Variants in RBMS2 observed in about 807,000 individuals in gnomAD.
RBMS2 encodes the protein RNA-binding motif, single-stranded-interacting protein 2.
A neutral mutation model predicts 58.4 loss-of-function variants in RBMS2; 38 were observed. The observed-to-expected ratio is 0.65, with a 90% confidence interval of 0.50 to 0.85. The LOEUF (loss-of-function observed/expected upper bound fraction) is 0.85, where lower values mean the gene tolerates loss of function less well. Ranked by LOEUF, RBMS2 falls within the 40% of genes least tolerant of loss-of-function variation. The pLI is 0.00. For synonymous variants in RBMS2, 151 were observed against 180.7 expected, an observed-to-expected ratio of 0.84 and a Z score of 1.32; for missense variants, 367 against 503.7, an observed-to-expected ratio of 0.73 and a Z score of 2.60.
At chr12:56,586,200 C>T (rs777064534) in intron 9 of RBMS2, among the ~76,000 whole-genome samples, 2 of 152,172 alleles carry the variant, frequency 1.3e-5, no homozygotes, top group East Asian at 1.9e-4. Flanking sequence ...GGCATGGTGG[C>T]GGGCACCTGT....
chr12:56,563,067 G>C (rs560224178), intron 2 of RBMS2, among the ~76,000 whole-genome samples: 4 of 152,236 alleles, frequency 2.6e-5, no homozygotes, highest in South Asian at 2.1e-4. Context: ...AGCTTGCAGT[G>C]AGCCGAGATC....
chr12:56,588,365 T>C lies in RBMS2; in HGVS notation c.1134T>C (p.Val378=). The change falls in exon 12 of 14, where the codon GTT becomes GTC. Residue 378 remains valine, a synonymous_variant. Transcript: ENST00000262031. ...SQYTPVPSSS[V]SVEESSGQQN... ...ACACCCCTGTGCCTTCTTCCAGTGT[T>C]TCAGTCGAGGTAAGGGTGTTATCAT... 6.2e-7 allele frequency: 1 copy of C among 1,612,256 alleles called. No homozygotes were observed.
At chr12:56,577,155 G>A (rs137928860) in intron 5 of RBMS2, among the ~76,000 whole-genome samples, 3,081 of 151,840 alleles carry the variant, frequency 0.02, 53 homozygotes, top group Middle Eastern at 0.054. Context: ...CGTAAGCCCA[G>A]CACTTTGGGA....
In RBMS2 at chr12:56,581,379, T is replaced by A; in HGVS notation, c.623-20T>A. The A allele has an allele frequency of 6.2e-7, 1 of 1,613,062 alleles. No individual in the cohort carries two copies. Among genetic ancestry groups the A allele is most frequent in the Non-Finnish European group, 8.5e-7 (1 of 1,178,994 alleles). On this transcript the variant is annotated intron_variant, in intron 6 of 13. Coordinates refer to ENST00000262031, the MANE Select transcript of RBMS2 (RefSeq NM_002898.4). ...ACATGAGGTGGGACTCAGCTGCCCA[T>A]CTGCCTTCTCTCTCGGCAGCCCCAT...
chr12:56,556,244 T>C (rs1879209704), intron 1 of RBMS2, among the ~76,000 whole-genome samples: 1 of 151,954 alleles, frequency 6.6e-6, no homozygotes, highest in African/African-American at 2.4e-5. Flanking sequence ...TGAAAAATAA[T>C]AAATAAAGGA....
At chr12:56,588,662 T>C in intron 12 of RBMS2, 1 of 589,426 alleles carries the variant, frequency 1.7e-6, no homozygotes, top group East Asian at 2.8e-5. Context: ...GGACTTGGTC[T>C]GAGTTCATGA....
At chr12:56,562,704 C>T in intron 2 of RBMS2, 121 bp downstream of exon 2, 3 of 1,137,598 alleles carry the variant, frequency 2.6e-6, no homozygotes. Context: ...CCTCCTGTCT[C>T]AGTAGCTGGG....
Position 56,596,020 on chromosome 12 carries a change from T to A in RBMS2, c.*6887T>A, listed in dbSNP as rs1387355641. On this transcript the variant is annotated 3_prime_UTR_variant, in exon 14 of 14. Coordinates refer to ENST00000262031, the MANE Select transcript of RBMS2 (RefSeq NM_002898.4). ...GAACATCACATGGCAAAAACAGGAG[T>A]TTTTTCGCTAGACTTTTTTTTTCTT... 6 of 152,596 alleles carry A rather than the reference T, an allele frequency of 3.9e-5. No homozygotes were observed. The highest frequency in any genetic ancestry group is 1.4e-4 in the African/African-American group (6 of 41,416). 9.5% of individuals were successfully genotyped at this position (152,596 alleles called of 1,614,324 possible). A position where few individuals can be genotyped will look rare whatever the true frequency, so the allele number is the denominator to read the frequency against.
intron 11 of RBMS2, 49 bp from the exon 12 acceptor site, chr12:56,588,245 A>T: frequency 6.7e-7 from 1 of 1,488,932 alleles, no homozygotes; most frequent in Admixed American, 1.7e-5. Flanking sequence ...GCTGCTTCAA[A>T]TGTAGCCAAA....
chr12:56,581,423 A>C lies in RBMS2; in HGVS notation c.647A>C (p.Lys216Thr), dbSNP rs575794871. ...GCCCCATCCGATCCCTTGCTTTGCA[A>C]ATTTGCTGATGGCGGGCCAAAGAAA... ...VPAPSDPLLCKFADGGPKKRQ... is the reference protein window; with the variant it reads ...VPAPSDPLLCTFADGGPKKRQ... The change falls in exon 7 of 14, where the codon AAA (lysine) becomes ACA (threonine). Residue 216 changes from lysine to threonine, a missense_variant. Transcript: ENST00000262031. 54 of 1,614,072 alleles carry C rather than the reference A, an allele frequency of 3.3e-5. No homozygotes were observed. The highest frequency in any genetic ancestry group is 4.6e-5 in the Non-Finnish European group (54 of 1,180,052).
rs750508627 is a variant in RBMS2, at chr12:56,581,446, A to G, written c.670A>G (p.Lys224Glu). The change falls in exon 7 of 14, where the codon AAA becomes GAA. Residue 224 changes from lysine (K) to glutamate (E), a missense_variant. Physicochemically the swap from Lys to Glu is moderately conservative, Grantham distance 56. Transcript: ENST00000262031. ...CAAATTTGCTGATGGCGGGCCAAAG[A>G]AACGACAGAACCAAGGAAAATTTGT... ...LCKFADGGPK[K>E]RQNQGKFVQN... The G allele has an allele frequency of 6.2e-6, 10 of 1,614,240 alleles. No homozygotes were observed. Among genetic ancestry groups the G allele is most frequent in the Non-Finnish European group, 5.1e-6 (6 of 1,180,044 alleles).
In RBMS2 at chr12:56,562,597, C is replaced by A. The variant is rs776770933; in HGVS notation, c.233+14C>A. The A allele has an allele frequency of 1.2e-6, 2 of 1,609,516 alleles. No individual in the cohort carries two copies. Among genetic ancestry groups the A allele is most frequent in the Non-Finnish European group, 1.7e-6 (2 of 1,175,852 alleles). On this transcript the variant is annotated intron_variant, in intron 2 of 13. Transcript: ENST00000262031. ...GCTGTGTCAGCCGTAAGTTGGAGTA[C>A]ATGTGCGTAGGCTTCCAGGGACAGT...
chr12:56,538,992 T>C (rs544089011), intron 1 of RBMS2, among the ~76,000 whole-genome samples: 2 of 149,640 alleles, frequency 1.3e-5, no homozygotes, highest in East Asian at 4.0e-4. Flanking sequence ...CATTCGTTGT[T>C]AGTTATATAA....
intron 5 of RBMS2, among the ~76,000 whole-genome samples, chr12:56,575,111 G>A (rs1882916138): frequency 6.6e-6 from 1 of 151,840 alleles, no homozygotes; most frequent in Admixed American, 6.6e-5. Flanking sequence ...ATTGCACCAA[G>A]GCGCTTCAGC....
At chr12:56,570,754 T>A (rs1440784822) in intron 4 of RBMS2, among the ~76,000 whole-genome samples, 2 of 152,140 alleles carry the variant, frequency 1.3e-5, no homozygotes, top group Non-Finnish European at 2.9e-5. Context: ...ATTTTTTGTA[T>A]TTTTAGTAGA....
In RBMS2 at chr12:56,586,945, G is replaced by A. The variant is rs762399323; in HGVS notation, c.951+19G>A. The A allele has an allele frequency of 6.2e-7, 1 of 1,604,692 alleles. No individual in the cohort carries two copies. The highest frequency in any genetic ancestry group is 8.5e-7 in the Non-Finnish European group (1 of 1,171,530). Reference sequence around the variant, plus strand: ...GCCTTCAGTGAGTATTCAGAAGTGGGCAGAAGCCAAAGAGGCAATTTGATG... The same window carrying A: ...GCCTTCAGTGAGTATTCAGAAGTGGACAGAAGCCAAAGAGGCAATTTGATG... On this transcript the variant is annotated intron_variant, in intron 10 of 13. Coordinates refer to ENST00000262031, the MANE Select transcript of RBMS2 (RefSeq NM_002898.4).
chr12:56,555,735 G>T (rs1199744728), intron 1 of RBMS2, among the ~76,000 whole-genome samples: 1 of 152,014 alleles, frequency 6.6e-6, no homozygotes, highest in Non-Finnish European at 1.5e-5. Flanking sequence ...GATTACAGGT[G>T]CCTACCACCA....
chr12:56,550,579 C>T (rs1481711944), intron 1 of RBMS2, among the ~76,000 whole-genome samples: 2 of 151,290 alleles, frequency 1.3e-5, no homozygotes, highest in South Asian at 2.1e-4. Context: ...GGTGGCTTTA[C>T]GCCTGTAATT....
intron 1 of RBMS2, among the ~76,000 whole-genome samples, chr12:56,546,611 G>A (rs1360385054): frequency 2.0e-5 from 3 of 151,936 alleles, no homozygotes; most frequent in Non-Finnish European, 4.4e-5. Flanking sequence ...GGGATTACAG[G>A]CATGAGCCAC....
Sources: gnomAD v4.1 joint callset for allele counts (sites outside exome capture counted in the v4.1 genomes callset) on GRCh38, gnomAD v4.1.1 for gene constraint, MANE v1.5 for transcripts, NCBI Gene and HGNC (gene_info 2026-07-23, HGNC 2026-07-21) for gene names.